Variants in PNKD observed in about 807,000 individuals in gnomAD.
The protein encoded by PNKD is PNKD metallo-beta-lactamase domain containing, also known as probable thioesterase PNKD.
PNKD carries 36 observed loss-of-function variants against 45.3 expected under a neutral mutation model. That is an observed-to-expected ratio of 0.80 (90% CI 0.61 to 1.05). PNKD has a LOEUF of 1.05. Among genes scored for constraint, PNKD ranks in the 50% least tolerant of loss-of-function variants. The probability of loss-of-function intolerance (pLI) is 0.00; values close to 1 mark genes in which losing one functional copy is unlikely to be tolerated. For synonymous variants in PNKD, 197 were observed against 210.1 expected, an observed-to-expected ratio of 0.94 and a Z score of 0.54; for missense variants, 511 against 506.6, an observed-to-expected ratio of 1.01 and a Z score of -0.08.
chr2:218,279,465 C>G, intron 2 of PNKD: 1 of 1,019,350 alleles, frequency 9.8e-7, no homozygotes, highest in Non-Finnish European at 1.4e-6. Context: ...TAGCTGCAGC[C>G]TGGCCCAGAG....
chr2:218,323,470 C>A, intron 2 of PNKD: 2 of 1,070,218 alleles, frequency 1.9e-6, no homozygotes, highest in South Asian at 1.9e-5. Context: ...GCTCGGGAGG[C>A]GGGCGCGCTG....
At chr2:218,322,866 A>G (rs1409237499) in intron 2 of PNKD, among the ~76,000 whole-genome samples, 2 of 152,208 alleles carry the variant, frequency 1.3e-5, no homozygotes, top group African/African-American at 4.8e-5. Flanking sequence ...AAATCCATGA[A>G]TGGCAGCTGA....
chr2:218,333,090 C>T (rs1166405809), intron 2 of PNKD, among the ~76,000 whole-genome samples: 2 of 152,218 alleles, frequency 1.3e-5, no homozygotes, highest in Non-Finnish European at 2.9e-5. Context: ...CTCTTCCCTT[C>T]CGGCCACTCT....
At chr2:218,297,368 G>A (rs771005849) in intron 2 of PNKD, among the ~76,000 whole-genome samples, 4 of 152,154 alleles carry the variant, frequency 2.6e-5, no homozygotes, top group Non-Finnish European at 4.4e-5. Context: ...CTGTGAGGCC[G>A]GGGGCCCATC....
At chr2:218,292,789 G>A (rs950383085) in intron 2 of PNKD, among the ~76,000 whole-genome samples, 2 of 152,232 alleles carry the variant, frequency 1.3e-5, no homozygotes, top group Admixed American at 1.3e-4. Flanking sequence ...AGGGGGAAGC[G>A]TTCGCTTTGG....
At chr2:218,308,566 A>AT (rs1331197601) in intron 2 of PNKD, among the ~76,000 whole-genome samples, 1 of 147,976 alleles carries the variant, frequency 6.8e-6, no homozygotes, top group Non-Finnish European at 1.5e-5. Flanking sequence ...TTTGTGTCCT[A>AT]TTTTTTTCTC....
chr2:218,297,637 A>T lies in PNKD; in HGVS notation c.236+26088A>T, dbSNP rs185840294. On this transcript the variant is annotated intron_variant, in intron 2 of 9. Transcript: ENST00000273077. ...GAGACAGAGGTTGCAGTGAGCCGAG[A>T]TCATGCCACTGCTCTCCAGCCTGGG... Among the ~76,000 whole-genome samples, 54 of 144,746 alleles carry T rather than the reference A, an allele frequency of 3.7e-4. 1 individual carries two copies. The South Asian group carries it at 7.0e-3, about 19-fold the overall frequency. 95.0% of individuals were successfully genotyped at this position (144,746 alleles called of 152,430 possible).
intron 2 of PNKD, among the ~76,000 whole-genome samples, chr2:218,319,082 G>A (rs879712278): frequency 6.7e-5 from 10 of 150,118 alleles, no homozygotes; most frequent in Non-Finnish European, 1.0e-4. Context: ...AGCCTCCCGA[G>A]TAGCTGAGAC....
intron 2 of PNKD, chr2:218,274,217 C>T (rs4791): frequency 0.44 from 68,811 of 154,902 alleles, 18,197 homozygotes; most frequent in South Asian, 0.63. Context: ...TAGACATAAA[C>T]TTTATTACAT....
chr2:218,278,264 G>T, intron 2 of PNKD: 1 of 605,296 alleles, frequency 1.7e-6, no homozygotes. Flanking sequence ...TGAGCCTCGG[G>T]TTCTTCCTAT....
At chr2:218,323,462 T>TCGGGAGGCGGGCG (rs1354190335) in intron 2 of PNKD, 71 of 1,396,350 alleles carry the variant, frequency 5.1e-5, no homozygotes, top group Non-Finnish European at 6.5e-5. Flanking sequence ...GCGTGCGGGC[T>TCGGGAGGCGGGCG]CGGGAGGCGG....
chr2:218,306,254 T>C (rs1460907407), intron 2 of PNKD, among the ~76,000 whole-genome samples: 3 of 152,130 alleles, frequency 2.0e-5, no homozygotes, highest in East Asian at 3.8e-4. Context: ...GGGGAGCCCC[T>C]GCTTGAAACT....
chr2:218,337,823 C>T (rs1220147008), intron 2 of PNKD, among the ~76,000 whole-genome samples: 2 of 152,132 alleles, frequency 1.3e-5, no homozygotes, highest in African/African-American at 4.8e-5. Context: ...TCAGGCTCCA[C>T]TTGCAAGACA....
rs558106109 is a variant in PNKD, at chr2:218,326,029, G to A, written c.237-13754G>A. ...AACTGTAGGGGGGAAATGGGCAGGTGTTGGTGCTAGGGGTGCCTCCAGGAA... is the reference window on the plus strand; with the variant it reads ...AACTGTAGGGGGGAAATGGGCAGGTATTGGTGCTAGGGGTGCCTCCAGGAA... On this transcript the variant is annotated intron_variant, in intron 2 of 9. Coordinates refer to ENST00000273077, the MANE Select transcript of PNKD (RefSeq NM_015488.5). The surrounding 1 kb of genome is among the most constrained non-coding windows in gnomAD (Gnocchi z 4.1). Among the ~76,000 whole-genome samples the A allele has an allele frequency of 6.6e-6, 1 of 151,104 alleles. No homozygotes were observed. The highest frequency in any genetic ancestry group is 1.5e-5 in the Non-Finnish European group (1 of 67,862).
At chr2:218,311,032 A>G (rs1693600338) in intron 2 of PNKD, among the ~76,000 whole-genome samples, 1 of 152,190 alleles carries the variant, frequency 6.6e-6, no homozygotes, top group African/African-American at 2.4e-5. Flanking sequence ...AGGTTTGTGT[A>G]AGTACACACT....
chr2:218,305,191 G>A (rs1035698195), intron 2 of PNKD, among the ~76,000 whole-genome samples: 9 of 152,060 alleles, frequency 5.9e-5, no homozygotes, highest in Non-Finnish European at 1.3e-4. Context: ...GTCTACACTC[G>A]GTTGTTCTGT....
rs373555533 is a variant in PNKD, at chr2:218,322,894, G to T, written c.237-16889G>T. On this transcript the variant is annotated intron_variant, in intron 2 of 9. Transcript: ENST00000273077. ...GCAGCTGACCCCGATGATCTCTCAG[G>T]TTTCTGCCAGTTGAGAAAGTGTAGC... Among the ~76,000 whole-genome samples, 10 of 152,340 alleles carry T rather than the reference G, an allele frequency of 6.6e-5. No homozygotes were observed. In the East Asian group the frequency reaches 1.5e-3, roughly 24 times the overall value.
At chr2:218,270,918 GCC>G in intron 1 of PNKD, 1 of 360,416 alleles carries the variant, frequency 2.8e-6, no homozygotes. Flanking sequence ...TTGAGTTCCA[GCC>G]CCGGATAATT....
chr2:218,282,105 G>A (rs750488601), intron 2 of PNKD: 15 of 1,555,020 alleles, frequency 9.6e-6, no homozygotes, highest in South Asian at 3.6e-5. Context: ...AGGGGGTTGC[G>A]GTCTTCATAT....
Sources: gnomAD v4.1 joint callset for allele counts (sites outside exome capture counted in the v4.1 genomes callset) on GRCh38, gnomAD v4.1.1 for gene constraint, Gnocchi (gnomAD v3.1) non-coding constraint, MANE v1.5 for transcripts, NCBI Gene and HGNC (gene_info 2026-07-23, HGNC 2026-07-21) for gene names.